The following CEP112 variants were observed in gnomAD, a reference collection of about 807,000 sequenced individuals.
CEP112 encodes the protein centrosomal protein of 112 kDa.
Under a neutral mutation model 153.0 loss-of-function variants are expected in CEP112, and 127 were observed. That is an observed-to-expected ratio of 0.83 (90% CI 0.72 to 0.96). CEP112 has a LOEUF of 0.96. Ranked by LOEUF, CEP112 falls within the 40% of genes least tolerant of loss-of-function variation. CEP112 has a pLI of 0.00. For synonymous variants in CEP112, 358 were observed against 374.4 expected (o/e 0.96, Z 0.51); for missense variants, 1,089 against 1,101.2 (o/e 0.99, Z 0.16).
intron 6 of CEP112, among the ~76,000 whole-genome samples, chr17:66,107,140 AC>A (rs1372008968): frequency 3.3e-5 from 5 of 149,274 alleles, no homozygotes; most frequent in African/African-American, 1.2e-4. Flanking sequence ...GAAGAAACAT[AC>A]TTCAGTACAA....
intron 17 of CEP112, among the ~76,000 whole-genome samples, chr17:65,987,469 C>CAA (rs573187141): frequency 6.6e-6 from 1 of 151,900 alleles, no homozygotes; most frequent in South Asian, 2.1e-4. Context: ...AAAAGGAAAA[C>CAA]AATATTAGAA....
chr17:65,833,745 G>A (rs776307682), intron 21 of CEP112, among the ~76,000 whole-genome samples: 2 of 152,144 alleles, frequency 1.3e-5, no homozygotes, highest in Non-Finnish European at 2.9e-5. Flanking sequence ...CCATGCTCAT[G>A]GATTGGAAGA....
chr17:65,816,530 T>G (rs905208228), intron 21 of CEP112, among the ~76,000 whole-genome samples: 2 of 152,010 alleles, frequency 1.3e-5, no homozygotes, highest in African/African-American at 4.8e-5. Context: ...TGTTAAACTT[T>G]TAATGCTTTT....
chr17:66,136,379 A>G (rs1274930515), intron 4 of CEP112, among the ~76,000 whole-genome samples: 1 of 152,100 alleles, frequency 6.6e-6, no homozygotes, highest in Non-Finnish European at 1.5e-5. Flanking sequence ...GGATTCTGCA[A>G]GTACTCACAG....
intron 1 of CEP112, among the ~76,000 whole-genome samples, chr17:66,184,108 T>C (rs984960556): frequency 1.3e-5 from 2 of 151,926 alleles, no homozygotes; most frequent in African/African-American, 4.8e-5. Flanking sequence ...AAATTAAAAA[T>C]TAGCCAGGTG....
chr17:65,863,326 A>G (rs1156749459), intron 20 of CEP112, among the ~76,000 whole-genome samples: 1 of 152,210 alleles, frequency 6.6e-6, no homozygotes, highest in Admixed American at 6.5e-5. Context: ...CCTTCCAAAG[A>G]TAAAAGTTAC....
intron 4 of CEP112, among the ~76,000 whole-genome samples, chr17:66,162,746 G>T (rs1214235470): frequency 6.6e-6 from 1 of 152,100 alleles, no homozygotes. Flanking sequence ...TCTTCAAGAG[G>T]TGATAAATGA....
At chr17:66,061,957 C>T (rs1166338956) in intron 11 of CEP112, among the ~76,000 whole-genome samples, 1 of 151,994 alleles carries the variant, frequency 6.6e-6, no homozygotes, top group Non-Finnish European at 1.5e-5. Context: ...GGGGTCAGTT[C>T]CCCCAAGCTG....
chr17:65,959,292 G>A (rs935725614), intron 18 of CEP112, among the ~76,000 whole-genome samples: 10 of 152,182 alleles, frequency 6.6e-5, no homozygotes, highest in Non-Finnish European at 7.4e-5. Context: ...TCTGCTAGGA[G>A]CTGAACACTC....
intron 21 of CEP112, among the ~76,000 whole-genome samples, chr17:65,752,036 A>G (rs939759304): frequency 6.6e-6 from 1 of 151,516 alleles, no homozygotes; most frequent in Non-Finnish European, 1.5e-5. Flanking sequence ...CCATCCATCC[A>G]TCCATCCATC....
chr17:65,687,532 T>C (rs1397823551), intron 24 of CEP112, among the ~76,000 whole-genome samples: 2 of 152,160 alleles, frequency 1.3e-5, no homozygotes, highest in African/African-American at 2.4e-5. Flanking sequence ...GTGTATTACA[T>C]AGACATTATA....
chr17:65,975,167 T>C (rs2062986014), intron 17 of CEP112, among the ~76,000 whole-genome samples: 1 of 152,170 alleles, frequency 6.6e-6, no homozygotes, highest in Non-Finnish European at 1.5e-5. Context: ...TAGTTACAGG[T>C]TTCTTTCTTC....
chr17:65,734,261 C>T (rs1053991235), intron 23 of CEP112, among the ~76,000 whole-genome samples: 6 of 152,186 alleles, frequency 3.9e-5, no homozygotes, highest in African/African-American at 1.4e-4. Flanking sequence ...ACAAAGAACT[C>T]ATGGGCATTT....
At chr17:66,184,200 A>G (rs1320595383) in intron 1 of CEP112, among the ~76,000 whole-genome samples, 1 of 152,190 alleles carries the variant, frequency 6.6e-6, no homozygotes, top group Non-Finnish European at 1.5e-5. Flanking sequence ...TAAAGGCTGC[A>G]GTGGGCCATG....
intron 18 of CEP112, among the ~76,000 whole-genome samples, chr17:65,937,501 CAA>C (rs2061359592): frequency 7.3e-6 from 1 of 136,674 alleles, no homozygotes; most frequent in African/African-American, 2.6e-5. Context: ...CTCTGCCTGG[CAA>C]CCGCCCCGTC....
At chr17:66,188,231 A>C (rs1319712775) in intron 1 of CEP112, among the ~76,000 whole-genome samples, 13 of 151,816 alleles carry the variant, frequency 8.6e-5, no homozygotes, top group Non-Finnish European at 5.9e-5. Context: ...CCAAACCCAA[A>C]GTTAGGCATA....
chr17:66,158,870 A>C (rs2071567992), intron 4 of CEP112, among the ~76,000 whole-genome samples: 1 of 152,126 alleles, frequency 6.6e-6, no homozygotes, highest in Non-Finnish European at 1.5e-5. Context: ...ACTGAAGGAG[A>C]TAGAGACATA....
At chr17:65,790,765 A>G (rs2054546272) in intron 21 of CEP112, among the ~76,000 whole-genome samples, 1 of 152,190 alleles carries the variant, frequency 6.6e-6, no homozygotes, top group South Asian at 2.1e-4. Flanking sequence ...CAACATTATC[A>G]GAGGACCTGA....
chr17:65,751,658 A>G (rs1384287380), intron 21 of CEP112, among the ~76,000 whole-genome samples: 2 of 151,914 alleles, frequency 1.3e-5, no homozygotes, highest in African/African-American at 2.4e-5. Context: ...TGTTGTTTCT[A>G]TGTTCCATTT....
Sources: allele counts gnomAD v4.1 joint callset (sites outside exome capture counted in the v4.1 genomes callset), GRCh38; gene constraint gnomAD v4.1.1; transcripts MANE v1.5; gene names NCBI Gene and HGNC (gene_info 2026-07-23, HGNC 2026-07-21).